PAM: variants seen among roughly 807,000 people sequenced by gnomAD.
The protein encoded by PAM is peptidyl-glycine alpha-amidating monooxygenase.
PAM carries 72 observed loss-of-function variants against 122.1 expected under a neutral mutation model. That is an observed-to-expected ratio of 0.59 (90% CI 0.49 to 0.72). The LOEUF (loss-of-function observed/expected upper bound fraction) is 0.72. Among genes scored for constraint, PAM ranks in the 30% least tolerant of loss-of-function variants. PAM has a pLI of 0.00. For missense variants in PAM, 1,106 were observed against 1,183.7 expected, an observed-to-expected ratio of 0.93 and a Z score of 0.96; for synonymous variants, 389 against 404.4, an observed-to-expected ratio of 0.96 and a Z score of 0.46.
chr5:103,009,713 A>G, intron 20 of PAM, 38 bp from the exon 21 acceptor site: 1 of 1,071,794 alleles, frequency 9.3e-7, no homozygotes, highest in Non-Finnish European at 1.5e-6. Context: ...ATTCTTACCC[A>G]TATTTTAAAG....
intron 1 of PAM, among the ~76,000 whole-genome samples, chr5:102,762,646 G>A (rs1293689361): frequency 2.0e-5 from 3 of 152,084 alleles, no homozygotes; most frequent in Non-Finnish European, 4.4e-5. Flanking sequence ...ATTGGTTCTA[G>A]TGTTTGGGGA....
intron 3 of PAM, among the ~76,000 whole-genome samples, chr5:102,886,667 TA>T (rs1793211341): frequency 6.6e-6 from 1 of 152,104 alleles, no homozygotes; most frequent in Admixed American, 6.6e-5. Context: ...TTATAGTGAT[TA>T]TTTTTTATGT....
At chr5:102,855,198 A>G (rs1782322606) in intron 1 of PAM, among the ~76,000 whole-genome samples, 1 of 152,216 alleles carries the variant, frequency 6.6e-6, no homozygotes, top group Non-Finnish European at 1.5e-5. Flanking sequence ...CCAATTGAGC[A>G]GAATTATTCA....
Position 102,990,271 on chromosome 5 carries a change from G to A in PAM, c.1484-1G>A. On this transcript the variant is annotated splice_acceptor_variant, in intron 15 of 25. Transcript: ENST00000438793. LOFTEE classifies it high-confidence loss of function. ...ACTAAATGTGTGGATATATCTTTTA[G>A]ATTTCCACATGGAAGAGGCACTGGA... is the stretch of plus-strand genomic sequence containing the variant. 1 of 1,537,092 alleles carries A rather than the reference G, an allele frequency of 6.5e-7. No individual in the cohort carries two copies. Among genetic ancestry groups the A allele is most frequent in the Non-Finnish European group, 8.8e-7 (1 of 1,134,550 alleles).
chr5:102,938,260 C>A (rs952532016), intron 7 of PAM, among the ~76,000 whole-genome samples: 3 of 152,126 alleles, frequency 2.0e-5, no homozygotes, highest in African/African-American at 7.2e-5. Context: ...GTATGGAAGA[C>A]AAATGATCCT....
chr5:103,005,356 T>G (rs990889966), intron 18 of PAM, 130 bp downstream of exon 18: 1 of 655,976 alleles, frequency 1.5e-6, no homozygotes, highest in East Asian at 2.7e-5. Context: ...AACAAGAAAA[T>G]AGAGCAGCCA....
rs151297381 is a variant in PAM, at chr5:102,990,350, C to T, written c.1562C>T (p.Pro521Leu). Residue 521 changes from proline (P) to leucine (L), a missense_variant, in exon 16 of 26, where the codon CCT (proline) becomes CTT (leucine). This residue lies in a region of PAM where 670 missense variants were observed against 690.3 expected (regional missense o/e 0.97). Coordinates refer to ENST00000438793, the MANE Select transcript of PAM (RefSeq NM_001177306.2). Reference protein sequence around the residue: ...PGQVSGVALDPKNNLVIFHRG... With the variant: ...PGQVSGVALDLKNNLVIFHRG... ...CAGGTTTCTGGGGTGGCTCTAGACC[C>T]TAAGAATAACCTGGTGATTTTCCAC... 9.2e-5 allele frequency: 148 copies of T among 1,609,266 alleles called. No homozygotes were observed. In the African/African-American group the frequency reaches 1.9e-3, roughly 20 times the overall value.
At chr5:102,929,648 A>G (rs531998337) in intron 7 of PAM, among the ~76,000 whole-genome samples, 65 of 152,268 alleles carry the variant, frequency 4.3e-4, no homozygotes, top group Non-Finnish European at 6.9e-4. Flanking sequence ...CAATTGAGAA[A>G]CTTAGGATCT....
At chr5:102,756,925 T>C (rs1750571164) in intron 1 of PAM, among the ~76,000 whole-genome samples, 1 of 152,200 alleles carries the variant, frequency 6.6e-6, no homozygotes, top group Admixed American at 6.5e-5. Context: ...CCTTCCAAGG[T>C]AACTTAAAGA....
chr5:102,778,464 T>C (rs1757766582), intron 1 of PAM, among the ~76,000 whole-genome samples: 1 of 152,136 alleles, frequency 6.6e-6, no homozygotes, highest in African/African-American at 2.4e-5. Context: ...CCAAAAATCA[T>C]ATTAAGGATT....
intron 1 of PAM, among the ~76,000 whole-genome samples, chr5:102,803,205 GGAAA>G (rs1409847488): frequency 3.2e-4 from 36 of 113,988 alleles, no homozygotes; most frequent in Non-Finnish European, 5.4e-4. Flanking sequence ...AAGGAAGGAA[GGAAA>G]GAAGGAAGGA....
chr5:102,839,128 A>G (rs1777857443), intron 1 of PAM, among the ~76,000 whole-genome samples: 1 of 152,226 alleles, frequency 6.6e-6, no homozygotes, highest in Non-Finnish European at 1.5e-5. Flanking sequence ...ATAGAACATT[A>G]CTAATATCCC....
intron 16 of PAM, among the ~76,000 whole-genome samples, chr5:102,992,873 A>G (rs1379064141): frequency 6.6e-6 from 1 of 152,094 alleles, no homozygotes; most frequent in Non-Finnish European, 1.5e-5. Flanking sequence ...AGCACATTAT[A>G]TCCCATAGTT....
chr5:102,768,984 C>T (rs528814699), intron 1 of PAM, among the ~76,000 whole-genome samples: 71 of 152,220 alleles, frequency 4.7e-4, no homozygotes, highest in African/African-American at 1.6e-3. Flanking sequence ...CAAAGGTTCC[C>T]TTTGTTCCAC....
chr5:102,962,924 G>A (rs1362954273), intron 14 of PAM, among the ~76,000 whole-genome samples: 1 of 151,330 alleles, frequency 6.6e-6, no homozygotes, highest in Non-Finnish European at 1.5e-5. Context: ...ATAATTCTAT[G>A]GACACATAAG....
intron 1 of PAM, among the ~76,000 whole-genome samples, chr5:102,763,678 A>T (rs1580770525): frequency 6.6e-6 from 1 of 152,218 alleles, no homozygotes; most frequent in African/African-American, 2.4e-5. Context: ...TCCAGAAAGC[A>T]GAGAGAACTG....
chr5:102,980,667 C>T (rs983615050), intron 15 of PAM, among the ~76,000 whole-genome samples: 4 of 152,108 alleles, frequency 2.6e-5, no homozygotes, highest in African/African-American at 9.7e-5. Flanking sequence ...TAGCCTTTAA[C>T]TACCTGATAA....
intron 3 of PAM, among the ~76,000 whole-genome samples, chr5:102,869,130 G>A (rs191282772): frequency 4.6e-5 from 7 of 152,156 alleles, no homozygotes; most frequent in Middle Eastern, 3.2e-3. Flanking sequence ...ATTCCCAAGA[G>A]CTTCCTACCC....
intron 1 of PAM, among the ~76,000 whole-genome samples, chr5:102,780,747 T>TTGTTTC (rs1758529265): frequency 6.6e-6 from 1 of 150,936 alleles, no homozygotes; most frequent in African/African-American, 2.4e-5. Context: ...ACCTTTTTCT[T>TTGTTTC]TCTTTCTCTT....
Sources: gnomAD v4.1 joint callset for allele counts (sites outside exome capture counted in the v4.1 genomes callset) on GRCh38, gnomAD v4.1.1 for gene constraint, gnomAD v4.1.1 regional missense constraint, MANE v1.5 for transcripts, NCBI Gene and HGNC (gene_info 2026-07-23, HGNC 2026-07-21) for gene names.